The following CLP1 variants were observed in gnomAD, a reference collection of about 807,000 sequenced individuals.
The protein encoded by CLP1 is cleavage factor polyribonucleotide kinase subunit 1.
CLP1 carries 18 observed loss-of-function variants against 29.9 expected under a neutral mutation model. The ratio of observed to expected loss-of-function variants is 0.60; its 90% CI spans 0.42 to 0.89. CLP1 has a LOEUF of 0.89. CLP1 is among the 40% of genes least tolerant of loss of function. The pLI is 0.00. For synonymous variants in CLP1, 162 were observed against 206.2 expected (o/e 0.79, Z 1.84); for missense variants, 357 against 544.8 (o/e 0.66, Z 3.43).
At chr11:57,660,142 G>A in intron 2 of CLP1, 60 bp downstream of exon 2, 1 of 1,487,156 alleles carries the variant, frequency 6.7e-7, no homozygotes, top group Admixed American at 2.3e-5. Flanking sequence ...GGAAACTGGA[G>A]AAGTTTACTA....
At chr11:57,658,295 G>A (rs148138496) in intron 1 of CLP1, among the ~76,000 whole-genome samples, 1 of 152,292 alleles carries the variant, frequency 6.6e-6, no homozygotes, top group African/African-American at 2.4e-5. Context: ...TGGGGTCAGG[G>A]CATCTGTTAC....
At chr11:57,658,510 G>A (rs1204553867) in intron 1 of CLP1, among the ~76,000 whole-genome samples, 1 of 152,146 alleles carries the variant, frequency 6.6e-6, no homozygotes, top group African/African-American at 2.4e-5. Context: ...GGGTGGAGGA[G>A]GCGGGGAAGA....
chr11:57,660,272 A>G (rs1309804502), intron 2 of CLP1, among the ~76,000 whole-genome samples, 190 bp downstream of exon 2: 2 of 152,154 alleles, frequency 1.3e-5, no homozygotes, highest in East Asian at 3.8e-4. Flanking sequence ...AATTTGTTAG[A>G]TTTTCACTTA....
rs200588495 is a variant in CLP1 at position 57,660,969 on chromosome 11, C to T, written c.811C>T (p.Pro271Ser). 6.2e-7 allele frequency: 1 copy of T among 1,614,056 alleles called. No homozygotes were observed. The change falls in exon 3 of 3, where the codon CCC becomes TCC. Residue 271 changes from proline (P) to serine (S), a missense_variant. Transcript: ENST00000533682. Reference protein sequence around the residue: ...RLYNELKRDLPHFVRTVLLPK... With the variant: ...RLYNELKRDLSHFVRTVLLPK... ...GTACAATGAACTGAAACGGGACCTC[C>T]CCCACTTTGTACGCACTGTGCTGCT...
In CLP1 at chr11:57,661,056, CGTATCCGTGA is replaced by C. The variant is rs1325503675; in HGVS notation, c.903_912del (p.Arg302PhefsTer20). On this transcript the variant is annotated frameshift_variant, in exon 3 of 3. Transcript: ENST00000533682. LOFTEE classifies it high-confidence loss of function. ...CTTCCGGCGGGAATGTAGGGATGAG[CGTATCCGTGA>C]GTATTTTTATGGATTCCGAGGCTGT... 1.2e-6 allele frequency: 2 copies of C among 1,614,074 alleles called. No individual in the cohort carries two copies. The highest frequency in any genetic ancestry group is 1.7e-6 in the Non-Finnish European group (2 of 1,180,046).
rs1259824742 is a variant in CLP1, at chr11:57,659,644, CT to C, written c.171del (p.Phe57LeufsTer19). On this transcript the variant is annotated frameshift_variant, in exon 2 of 3. Transcript: ENST00000533682. LOFTEE classifies it high-confidence loss of function. The part of the protein sequence containing the change: ...TELTRNKKFT[F>X]DAGAKVAVFT... Reference sequence around the variant, plus strand: ...AGCTGACCCGAAACAAGAAATTCACCTTTGATGCTGGTGCCAAGGTGGCTGT... The same window carrying C: ...AGCTGACCCGAAACAAGAAATTCACCTTGATGCTGGTGCCAAGGTGGCTGT... The C allele has an allele frequency of 6.2e-7, 1 of 1,614,086 alleles. No individual in the cohort carries two copies. Among genetic ancestry groups the C allele is most frequent in the Admixed American group, 1.7e-5 (1 of 60,002 alleles).
chr11:57,657,963 T>C (rs537061994), intron 1 of CLP1, 103 bp downstream of exon 1: 8 of 152,362 alleles, frequency 5.3e-5, no homozygotes, highest in Admixed American at 2.6e-4. Context: ...TTTTGGTGTC[T>C]GGGAAGGTTG....
chr11:57,661,062 C>G lies in CLP1; in HGVS notation c.904C>G (p.Arg302Gly). 2 of 1,614,196 alleles carry G rather than the reference C, an allele frequency of 1.2e-6. No homozygotes were observed. Among genetic ancestry groups the G allele is most frequent in the Non-Finnish European group, 1.7e-6 (2 of 1,180,038 alleles). The change falls in exon 3 of 3, where the codon CGT (arginine) becomes GGT (glycine). Residue 302 changes from arginine (R) to glycine (G), a missense_variant. Transcript: ENST00000533682. ...GCGGGAATGTAGGGATGAGCGTATC[C>G]GTGAGTATTTTTATGGATTCCGAGG... ...FRRECRDERI[R>G]EYFYGFRGCF...
In CLP1 at chr11:57,660,833, C is replaced by T. The variant is rs1417325482; in HGVS notation, c.675C>T (p.Gly225=). The T allele has an allele frequency of 8.7e-6, 14 of 1,613,786 alleles. No homozygotes were observed. The highest frequency in any genetic ancestry group is 1.2e-5 in the Non-Finnish European group (14 of 1,179,736). The change falls in exon 3 of 3, where the codon GGC becomes GGT. Residue 225 remains glycine, a synonymous_variant. Coordinates refer to ENST00000533682, the MANE Select transcript of CLP1 (RefSeq NM_006831.3). The stretch of plus-strand genomic sequence containing the variant: ...TGAACCGAAGGGCATCTGTGAGTGG[C>T]TGTGTCATTAACACCTGTGGCTGGG... The part of the protein sequence containing the change: ...CEVNRRASVS[G]CVINTCGWVK...
At position 57,660,692 on chromosome 11, in the gene CLP1, T is replaced by C. The variant is rs1054103179; in HGVS notation, c.607-73T>C. The C allele has an allele frequency of 1.7e-5, 22 of 1,257,976 alleles. No individual in the cohort carries two copies. The Admixed American group carries it at 3.2e-4, about 18-fold the overall frequency. The allele number at this position is 1,257,976 out of a possible 1,614,324, so 77.9% of individuals were successfully genotyped here. A position where few individuals can be genotyped will look rare whatever the true frequency, so the allele number is the denominator to read the frequency against. On this transcript the variant is annotated intron_variant, in intron 2 of 2. Coordinates refer to ENST00000533682, the MANE Select transcript of CLP1 (RefSeq NM_006831.3). ...TTTTTCTTATATCTAATAGCACTTA[T>C]TCTAAAGAGGAACAAAGTAGCCATG...
Position 57,660,976 on chromosome 11 carries a change from T to G in CLP1, c.818T>G (p.Phe273Cys). ...GAACTGAAACGGGACCTCCCCCACT[T>G]TGTACGCACTGTGCTGCTCCCTAAA... is the stretch of plus-strand genomic sequence containing the variant. The part of the protein sequence containing the change: ...YNELKRDLPH[F>C]VRTVLLPKSG... Residue 273 changes from phenylalanine to cysteine, a missense_variant, in exon 3 of 3, where the codon TTT (phenylalanine) becomes TGT (cysteine). Physicochemically the swap from Phe to Cys is radical, Grantham distance 205. Coordinates refer to ENST00000533682, the MANE Select transcript of CLP1 (RefSeq NM_006831.3). 1 of 1,614,216 alleles carries G rather than the reference T, an allele frequency of 6.2e-7. No individual in the cohort carries two copies. Among genetic ancestry groups the G allele is most frequent in the Non-Finnish European group, 8.5e-7 (1 of 1,180,044 alleles).
rs749396873 is a variant in CLP1 at position 57,661,010 on chromosome 11, T to G, written c.852T>G (p.Gly284=). The G allele has an allele frequency of 4.3e-6, 7 of 1,613,864 alleles. No homozygotes were observed. The highest frequency in any genetic ancestry group is 5.1e-6 in the Non-Finnish European group (6 of 1,180,020). Residue 284 remains glycine, a synonymous_variant, in exon 3 of 3, where the codon GGT becomes GGG. Transcript: ENST00000533682. ...VRTVLLPKSG[G]VVERSKDFRR... is the part of the protein sequence containing the mutation. ...CTGTGCTGCTCCCTAAATCTGGGGG[T>G]GTGGTGGAGCGCTCCAAGGACTTCC... is the stretch of plus-strand genomic sequence containing the variant.
In CLP1 at chr11:57,661,608, C is replaced by T. The variant is rs1233244204; in HGVS notation, c.*172C>T. 4 of 596,510 alleles carry T rather than the reference C, an allele frequency of 6.7e-6. No individual in the cohort carries two copies. The highest frequency in any genetic ancestry group is 1.2e-5 in the Non-Finnish European group (4 of 343,276). 37.0% of individuals were successfully genotyped at this position (596,510 alleles called of 1,614,324 possible). On this transcript the variant is annotated 3_prime_UTR_variant, in exon 3 of 3. Coordinates refer to ENST00000533682, the MANE Select transcript of CLP1 (RefSeq NM_006831.3). Reference sequence around the variant, plus strand: ...GTAGTGGTAACCTGACTCTTCTAATCTTGAACCAAAAGGAAAACCATGAGA... The same window carrying T: ...GTAGTGGTAACCTGACTCTTCTAATTTTGAACCAAAAGGAAAACCATGAGA...
At chr11:57,659,366 G>T in intron 1 of CLP1, 89 bp from the exon 2 acceptor site, 1 of 1,295,030 alleles carries the variant, frequency 7.7e-7, no homozygotes, top group Non-Finnish European at 1.1e-6. Flanking sequence ...TGGGATTACA[G>T]GCGTGAGCCA....
Sources: gnomAD v4.1 joint callset for allele counts (sites outside exome capture counted in the v4.1 genomes callset) on GRCh38, gnomAD v4.1.1 for gene constraint, MANE v1.5 for transcripts, NCBI Gene and HGNC (gene_info 2026-07-23, HGNC 2026-07-21) for gene names.